Variants in MID2 observed in about 807,000 individuals in gnomAD.
The protein encoded by MID2 is probable E3 ubiquitin-protein ligase MID2.
A neutral mutation model predicts 46.1 loss-of-function variants in MID2; 13 were observed. The ratio of observed to expected loss-of-function variants is 0.28; its 90% CI spans 0.18 to 0.45. The LOEUF is 0.45. Among genes scored for constraint, MID2 ranks in the 20% least tolerant of loss-of-function variants. The pLI is 1.00. For missense variants in MID2, 431 were observed against 575.4 expected (o/e 0.75, Z 2.57); for synonymous variants, 199 against 212.3 (o/e 0.94, Z 0.55).
At chrX:107,873,004 C>A (rs1932110032) in intron 3 of MID2, among the ~76,000 whole-genome samples, 1 of 110,729 alleles carries the variant, frequency 9.0e-6, no homozygotes, top group Admixed American at 9.6e-5. Context: ...TAATATTCAT[C>A]TTTTCTACCT....
intron 2 of MID2, among the ~76,000 whole-genome samples, chrX:107,853,871 T>C (rs939794616): frequency 8.9e-6 from 1 of 111,960 alleles, no homozygotes; most frequent in African/African-American, 3.3e-5. Context: ...ATGCTAGTAA[T>C]ATGACTGTGC....
At chrX:107,854,898 G>A (rs759152955) in intron 3 of MID2, among the ~76,000 whole-genome samples, 194 bp downstream of exon 3, 10 of 111,648 alleles carry the variant, frequency 9.0e-5, no homozygotes, top group African/African-American at 1.6e-4. Context: ...AAGAATAGAC[G>A]GTGATGATGG....
Position 107,841,065 on chromosome X carries a change from A to G in MID2, c.400A>G (p.Ser134Gly). The G allele has an allele frequency of 8.3e-7, 1 of 1,211,628 alleles. No homozygotes were observed. The highest frequency in any genetic ancestry group is 1.1e-6 in the Non-Finnish European group (1 of 895,516). Reference protein sequence around the residue: ...RTYRPTTAMSSERIACQFCEQ... With the variant: ...RTYRPTTAMSGERIACQFCEQ... ...TTACAGGCCCACCACTGCCATGTCT[A>G]GCGAGCGAATTGCTTGCCAATTCTG... The change falls in exon 2 of 10, where the codon AGC becomes GGC. Residue 134 changes from serine (S) to glycine (G), a missense_variant. Ser to Gly is a moderately conservative substitution (Grantham distance 56). Coordinates refer to ENST00000262843, the MANE Select transcript of MID2 (RefSeq NM_012216.4).
chrX:107,871,868 C>A (rs763599771), intron 3 of MID2, among the ~76,000 whole-genome samples: 1 of 111,284 alleles, frequency 9.0e-6, no homozygotes, highest in East Asian at 2.8e-4. Context: ...TTTATGGGCA[C>A]AGGATGGGGA....
chrX:107,854,552 G>T, intron 2 of MID2, 57 bp from the exon 3 acceptor site: 1 of 877,496 alleles, frequency 1.1e-6, no homozygotes, highest in Non-Finnish European at 1.7e-6. Context: ...CAAGCTCATG[G>T]TTCTTTTTTC....
In MID2 at chrX:107,826,232, C is replaced by A; in HGVS notation, c.-195C>A. ...CTGCGGGGCGCGCGGGCTGGCGGAT[C>A]CCGGCTGCTGCGCGGCGTCGGCGAC... On this transcript the variant is annotated 5_prime_UTR_variant, in exon 1 of 10. Transcript: ENST00000262843. 1 of 364,212 alleles carries A rather than the reference C, an allele frequency of 2.7e-6. No individual in the cohort carries two copies. The highest frequency in any genetic ancestry group is 4.2e-6 in the Non-Finnish European group (1 of 238,070). The allele number at this position is 364,212 out of a possible 1,213,427, so 30.0% of individuals were successfully genotyped here. A position where few individuals can be genotyped will look rare whatever the true frequency, so the allele number is the denominator to read the frequency against.
intron 3 of MID2, among the ~76,000 whole-genome samples, chrX:107,860,270 A>G (rs1931827881): frequency 8.9e-6 from 1 of 111,794 alleles, no homozygotes; most frequent in African/African-American, 3.3e-5. Context: ...TACTATGATG[A>G]TCCACAGGGT....
intron 5 of MID2, among the ~76,000 whole-genome samples, chrX:107,907,963 T>G (rs1194486867): frequency 8.9e-6 from 1 of 111,904 alleles, no homozygotes; most frequent in Non-Finnish European, 1.9e-5. Context: ...AAAAACTTTA[T>G]GAGGTAGATA....
intron 3 of MID2, 47 bp from the exon 4 acceptor site, chrX:107,903,911 G>A: frequency 1.0e-6 from 1 of 953,605 alleles, no homozygotes; most frequent in Non-Finnish European, 1.5e-6. Flanking sequence ...AGCCAGCAGG[G>A]GACAAAGGCA....
intron 3 of MID2, among the ~76,000 whole-genome samples, chrX:107,861,298 CAA>C (rs1931847469): frequency 1.8e-5 from 2 of 111,408 alleles, no homozygotes; most frequent in African/African-American, 6.5e-5. Flanking sequence ...AACATAAATT[CAA>C]AGAGGTCAGG....
chrX:107,924,410 T>C lies in MID2; in HGVS notation c.1503T>C (p.His501=). ...PNIKQNHYTV[H]GLQSGTRYIF... is the part of the protein sequence containing the mutation. ...TTAAACAGAACCATTACACAGTGCA[T>C]GGACTCCAGAGCGGGACTCGCTACA... The change falls in exon 8 of 10, where the codon CAT becomes CAC. Residue 501 remains histidine, a synonymous_variant. Transcript: ENST00000262843. The C allele has an allele frequency of 8.3e-7, 1 of 1,210,927 alleles. No homozygotes were observed. The highest frequency in any genetic ancestry group is 1.8e-5 in the South Asian group (1 of 56,995).
rs370995243 is a variant in MID2 at position 107,917,598 on chromosome X, A to T, written c.1294A>T (p.Ser432Cys). 7.9e-5 allele frequency: 96 copies of T among 1,211,112 alleles called. No homozygotes were observed. The highest frequency in any genetic ancestry group is 1.1e-4 in the Non-Finnish European group (94 of 894,933). ...HWISDDEFSISSYELQYTIFT... is the reference protein window; with the variant it reads ...HWISDDEFSICSYELQYTIFT... Reference sequence around the variant, plus strand: ...GATCTCGGATGATGAGTTCAGCATCAGCTCCTATGAGCTTCAGTACACCAT... The same window carrying T: ...GATCTCGGATGATGAGTTCAGCATCTGCTCCTATGAGCTTCAGTACACCAT... The change falls in exon 7 of 10, where the codon AGC (serine) becomes TGC (cysteine). Residue 432 changes from serine to cysteine, a missense_variant. Coordinates refer to ENST00000262843, the MANE Select transcript of MID2 (RefSeq NM_012216.4).
At chrX:107,876,709 C>G (rs1006463248) in intron 3 of MID2, among the ~76,000 whole-genome samples, 20 of 112,034 alleles carry the variant, frequency 1.8e-4, no homozygotes, top group Non-Finnish European at 3.2e-4. Context: ...GCGTGCTTCT[C>G]AGTGTTAGGG....
rs191531348 is a variant in MID2, at chrX:107,928,292, A to G, written c.*1219A>G. On this transcript the variant is annotated 3_prime_UTR_variant, in exon 10 of 10. Transcript: ENST00000262843. ...AGGATAAATAATCATTCCTTTTGCAATCTTGTTTACAGTATTCATTCTCTT... is the reference window on the plus strand; with the variant it reads ...AGGATAAATAATCATTCCTTTTGCAGTCTTGTTTACAGTATTCATTCTCTT... Among the ~76,000 whole-genome samples the G allele has an allele frequency of 1.8e-5, 2 of 111,872 alleles. No individual in the cohort carries two copies. Among genetic ancestry groups the G allele is most frequent in the East Asian group, 2.8e-4 (1 of 3,585 alleles).
chrX:107,830,405 T>A (rs988445553), intron 1 of MID2, among the ~76,000 whole-genome samples: 2 of 111,691 alleles, frequency 1.8e-5, no homozygotes, highest in African/African-American at 6.5e-5. Flanking sequence ...TCCATTTCCA[T>A]TTAGCATTAA....
At chrX:107,852,234 C>T (rs774902191) in intron 2 of MID2, among the ~76,000 whole-genome samples, 12 of 111,877 alleles carry the variant, frequency 1.1e-4, no homozygotes, top group East Asian at 2.8e-4. Context: ...TCCTTGTGCC[C>T]GGAACATCCT....
At chrX:107,912,287 A>G (rs1050654192) in intron 5 of MID2, among the ~76,000 whole-genome samples, 2 of 111,947 alleles carry the variant, frequency 1.8e-5, no homozygotes, top group African/African-American at 6.5e-5. Context: ...GTGAGATTTC[A>G]TGAAAGCAAA....
intron 5 of MID2, among the ~76,000 whole-genome samples, chrX:107,913,501 T>C (rs1489450611): frequency 9.8e-5 from 11 of 112,447 alleles, no homozygotes; most frequent in African/African-American, 3.2e-4. Context: ...CTTCAAAATA[T>C]GTATCAATTT....
rs1931340476 is a variant in MID2, at chrX:107,841,277, C to A, written c.612C>A (p.Asn204Lys). The A allele has an allele frequency of 8.3e-7, 1 of 1,209,220 alleles. No homozygotes were observed. The highest frequency in any genetic ancestry group is 1.8e-5 in the African/African-American group (1 of 56,957). ...TGGACCATGAGAATGAGAAAGTGAA[C>A]ATGTACTGTGTATCTGATGACCAAT... is the stretch of plus-strand genomic sequence containing the variant. ...TCLDHENEKV[N>K]MYCVSDDQLI... is the part of the protein sequence containing the mutation. Residue 204 changes from asparagine (N) to lysine (K), a missense_variant, in exon 2 of 10, where the codon AAC becomes AAA. By Grantham distance (94) the Asn-to-Lys change is moderately conservative. Coordinates refer to ENST00000262843, the MANE Select transcript of MID2 (RefSeq NM_012216.4).
Sources: gnomAD v4.1 joint callset for allele counts (sites outside exome capture counted in the v4.1 genomes callset) on GRCh38, gnomAD v4.1.1 for gene constraint, MANE v1.5 for transcripts, NCBI Gene and HGNC (gene_info 2026-07-23, HGNC 2026-07-21) for gene names.